The following GALNT13 variants were observed in gnomAD, a reference collection of about 807,000 sequenced individuals.
GALNT13 encodes the protein UDP-GalNAc:polypeptide N-acetylgalactosaminyltransferase 13.
A neutral mutation model predicts 64.2 loss-of-function variants in GALNT13; 28 were observed. The ratio of observed to expected loss-of-function variants is 0.44; its 90% CI spans 0.32 to 0.60. GALNT13 has a LOEUF of 0.60. Ranked by LOEUF, GALNT13 falls within the 20% of genes least tolerant of loss-of-function variation. GALNT13 has a pLI of 0.05. For missense variants in GALNT13, 577 were observed against 669.8 expected (o/e 0.86, Z 1.53); for synonymous variants, 214 against 224.6 (o/e 0.95, Z 0.42).
At chr2:153,177,864 T>C in the GALNT13 span, among the ~76,000 whole-genome samples, 1 of 152,130 alleles carries the variant, frequency 6.6e-6, no homozygotes, top group Non-Finnish European at 1.5e-5. Context: ...AACCATCATC[T>C]CTCCATTCCC....
chr2:153,209,018 AC>A, the GALNT13 span, among the ~76,000 whole-genome samples: 10 of 95,998 alleles, frequency 1.0e-4, no homozygotes, highest in African/African-American at 4.2e-4. Flanking sequence ...TTGCGTTTTC[AC>A]CCAGGCTGGA....
chr2:153,811,625 G>C, the GALNT13 span, among the ~76,000 whole-genome samples: 1 of 152,208 alleles, frequency 6.6e-6, no homozygotes, highest in Non-Finnish European at 1.5e-5. Flanking sequence ...TTGCAACATA[G>C]AGTGGCCCAT....
intron 4 of GALNT13, among the ~76,000 whole-genome samples, chr2:154,192,928 T>G (rs1020166803): frequency 3.3e-5 from 5 of 152,242 alleles, no homozygotes; most frequent in African/African-American, 1.2e-4. Context: ...ACATTGAAAG[T>G]TGGGATTTGT....
intron 11 of GALNT13, among the ~76,000 whole-genome samples, chr2:154,415,171 A>C (rs1463181964): frequency 6.6e-6 from 1 of 151,846 alleles, no homozygotes; most frequent in Non-Finnish European, 1.5e-5. Flanking sequence ...AAATATATTC[A>C]TAATTAGGTA....
At chr2:154,367,861 G>C (rs1051819102) in intron 9 of GALNT13, among the ~76,000 whole-genome samples, 8 of 152,282 alleles carry the variant, frequency 5.3e-5, no homozygotes, top group African/African-American at 1.9e-4. Flanking sequence ...AACAAAAGCA[G>C]TTAAGGATGA....
chr2:153,301,911 G>A, the GALNT13 span, among the ~76,000 whole-genome samples: 1 of 147,404 alleles, frequency 6.8e-6, no homozygotes, highest in African/African-American at 2.5e-5. Context: ...GTGTGTGTGT[G>A]TATAGTATAT....
At chr2:154,358,644 G>T (rs1291161873) in intron 9 of GALNT13, among the ~76,000 whole-genome samples, 1 of 151,846 alleles carries the variant, frequency 6.6e-6, no homozygotes, top group Non-Finnish European at 1.5e-5. Context: ...TTCTTTTCAG[G>T]ATTACAAACA....
the GALNT13 span, among the ~76,000 whole-genome samples, chr2:153,468,064 G>C: frequency 1.3e-5 from 2 of 151,728 alleles, no homozygotes; most frequent in African/African-American, 4.8e-5. Context: ...TTAAGTGACT[G>C]TTACATGCCA....
chr2:153,876,377 C>T (rs73005944), intron 1 of GALNT13, among the ~76,000 whole-genome samples: 8,573 of 152,182 alleles, frequency 0.056, 360 homozygotes, highest in East Asian at 0.12. Context: ...TGTTGAAGGA[C>T]TTCTGCCATT....
the GALNT13 span, among the ~76,000 whole-genome samples, chr2:153,796,963 CAG>C: frequency 6.6e-6 from 1 of 152,066 alleles, no homozygotes. Context: ...CAATAAGTTA[CAG>C]AGTTTATTTC....
chr2:153,780,294 T>C, the GALNT13 span, among the ~76,000 whole-genome samples: 2 of 149,944 alleles, frequency 1.3e-5, no homozygotes, highest in African/African-American at 4.9e-5. Context: ...TCTGTACATT[T>C]GACCTTAATA....
At chr2:153,832,944 C>T in the GALNT13 span, among the ~76,000 whole-genome samples, 383 of 152,316 alleles carry the variant, frequency 2.5e-3, 11 homozygotes, top group Admixed American at 0.022. Flanking sequence ...CTCTATTTTG[C>T]TTTCCATGGC....
intron 3 of GALNT13, among the ~76,000 whole-genome samples, chr2:153,964,763 G>A (rs1012095335): frequency 6.6e-5 from 10 of 151,732 alleles, no homozygotes; most frequent in African/African-American, 2.4e-4. Flanking sequence ...AAATAAAGAA[G>A]AAAATTAAAT....
the GALNT13 span, among the ~76,000 whole-genome samples, chr2:153,603,855 A>T: frequency 1.3e-5 from 2 of 151,966 alleles, no homozygotes; most frequent in African/African-American, 2.4e-5. Context: ...TCTTGTTTTA[A>T]CTTCTAGGCT....
chr2:154,389,954 G>T (rs990020540), intron 9 of GALNT13, among the ~76,000 whole-genome samples: 1 of 152,104 alleles, frequency 6.6e-6, no homozygotes, highest in Non-Finnish European at 1.5e-5. Context: ...CAGTGATCTG[G>T]TAAGTTTCAG....
chr2:153,261,917 T>G, the GALNT13 span, among the ~76,000 whole-genome samples: 126,398 of 152,038 alleles, frequency 0.83, 53,788 homozygotes, highest in African/African-American at 0.93. Context: ...CAGTCATCTT[T>G]TGGTGAATGA....
At chr2:153,962,190 AT>A (rs1692993042) in intron 3 of GALNT13, among the ~76,000 whole-genome samples, 1 of 152,088 alleles carries the variant, frequency 6.6e-6, no homozygotes, top group African/African-American at 2.4e-5. Flanking sequence ...TGGAGATGAT[AT>A]TTTTTCCTTC....
intron 4 of GALNT13, among the ~76,000 whole-genome samples, chr2:154,225,395 G>A (rs1254525163): frequency 1.3e-5 from 2 of 152,018 alleles, no homozygotes; most frequent in African/African-American, 2.4e-5. Flanking sequence ...ACACATTGAT[G>A]ATGTGAAAGT....
At chr2:153,696,665 C>G in the GALNT13 span, among the ~76,000 whole-genome samples, 3 of 152,118 alleles carry the variant, frequency 2.0e-5, no homozygotes, top group African/African-American at 7.2e-5. Flanking sequence ...GTCATTCTCT[C>G]TCTTCTCTAT....
Sources: allele counts gnomAD v4.1 joint callset (sites outside exome capture counted in the v4.1 genomes callset), GRCh38; gene constraint gnomAD v4.1.1; transcripts MANE v1.5; gene names NCBI Gene and HGNC (gene_info 2026-07-23, HGNC 2026-07-21).